Variants in RARB observed in about 807,000 individuals in gnomAD.
The protein encoded by RARB is HBV-activated protein.
RARB carries 17 observed loss-of-function variants against 51.9 expected under a neutral mutation model. The observed-to-expected ratio is 0.33, with a 90% CI of 0.22 to 0.49. The LOEUF (loss-of-function observed/expected upper bound fraction) is 0.49, where lower values mean the gene tolerates loss of function less well. RARB is among the 20% of genes least tolerant of loss of function. RARB has a pLI of 0.99. For synonymous variants in RARB, 215 were observed against 195.4 expected, an observed-to-expected ratio of 1.10 and a Z score of -0.84; for missense variants, 369 against 550.8, an observed-to-expected ratio of 0.67 and a Z score of 3.30.
chr3:24,906,844 CAAAAA>C (rs397875286), intron 2 of RARB, among the ~76,000 whole-genome samples: 4 of 75,992 alleles, frequency 5.3e-5, no homozygotes, highest in South Asian at 5.5e-4. Flanking sequence ...GATTCCGTCT[CAAAAA>C]AAAAAAAAAA....
chr3:25,557,137 T>TCACACACACACACACACACACACA (rs55731301), intron 3 of RARB, among the ~76,000 whole-genome samples: 1 of 145,348 alleles, frequency 6.9e-6, no homozygotes, highest in Non-Finnish European at 1.5e-5. Context: ...GGCATTGCAT[T>TCACACACACACACACACACACACA]CACACACACA....
chr3:25,235,659 A>G lies in RARB; in HGVS notation c.178+61084A>G, dbSNP rs74368113. Among the ~76,000 whole-genome samples, 847 of 152,254 alleles carry G rather than the reference A, an allele frequency of 5.6e-3. 36 individuals carry two copies. In the East Asian group the frequency reaches 0.11, roughly 20 times the overall value. ...GTTTCATGTGGTTAACTGCTTTTCTATTATCTATTACAGCTCTTGAGTGAG... is the reference window on the plus strand; with the variant it reads ...GTTTCATGTGGTTAACTGCTTTTCTGTTATCTATTACAGCTCTTGAGTGAG... On this transcript the variant is annotated intron_variant, in intron 5 of 11. Transcript: ENST00000383772.
chr3:25,176,247 G>C (rs1233643843), intron 5 of RARB, among the ~76,000 whole-genome samples: 12 of 151,236 alleles, frequency 7.9e-5, no homozygotes, highest in Admixed American at 7.2e-4. Flanking sequence ...GCAACTTTGG[G>C]CTTTGGGCTT....
chr3:25,506,521 A>G (rs1294625644), intron 3 of RARB, among the ~76,000 whole-genome samples: 1 of 151,652 alleles, frequency 6.6e-6, no homozygotes, highest in Non-Finnish European at 1.5e-5. Flanking sequence ...GAGGCTGAGG[A>G]AGGAGGATCA....
intron 5 of RARB, among the ~76,000 whole-genome samples, chr3:25,249,737 C>G (rs567338818): frequency 7.1e-5 from 9 of 126,282 alleles, no homozygotes; most frequent in Admixed American, 1.6e-4. Flanking sequence ...CTGTGATTTC[C>G]TTTCTTAGTT....
intron 2 of RARB, among the ~76,000 whole-genome samples, chr3:25,012,957 T>C (rs887408552): frequency 6.6e-6 from 1 of 152,080 alleles, no homozygotes; most frequent in African/African-American, 2.4e-5. Flanking sequence ...GCTGCTGGTA[T>C]TTAAGAATCT....
chr3:24,876,820 TTTA>T (rs1703053049), intron 2 of RARB, among the ~76,000 whole-genome samples: 1 of 152,072 alleles, frequency 6.6e-6, no homozygotes, highest in East Asian at 1.9e-4. Context: ...AAAAACAGAG[TTTA>T]GATAGTGGCA....
chr3:25,523,193 A>T (rs894861027), intron 3 of RARB, among the ~76,000 whole-genome samples: 3 of 152,118 alleles, frequency 2.0e-5, no homozygotes, highest in Non-Finnish European at 4.4e-5. Context: ...GCATATATGG[A>T]ATTGAGGGAT....
At chr3:25,374,144 T>G (rs1206390211) in intron 5 of RARB, among the ~76,000 whole-genome samples, 1 of 152,044 alleles carries the variant, frequency 6.6e-6, no homozygotes, top group African/African-American at 2.4e-5. Context: ...TGAGTGGACG[T>G]AGCTGGATGT....
intron 2 of RARB, among the ~76,000 whole-genome samples, chr3:24,932,857 G>A (rs1695470167): frequency 6.6e-6 from 1 of 151,790 alleles, no homozygotes; most frequent in African/African-American, 2.4e-5. Flanking sequence ...GCTAATCTCT[G>A]TTCTATTTTA....
At chr3:25,194,241 G>A (rs1575209571) in intron 5 of RARB, among the ~76,000 whole-genome samples, 1 of 16,806 alleles carries the variant, frequency 6.0e-5, no homozygotes, top group African/African-American at 2.0e-4. Flanking sequence ...GGTTACCAGG[G>A]TAGGAAGGAG....
chr3:25,373,971 A>G (rs1029538414), intron 5 of RARB, among the ~76,000 whole-genome samples: 1 of 152,214 alleles, frequency 6.6e-6, no homozygotes, highest in Non-Finnish European at 1.5e-5. Flanking sequence ...ATGTATTATA[A>G]AAAGCAAAAT....
At chr3:25,529,803 A>C (rs1191821965) in intron 3 of RARB, among the ~76,000 whole-genome samples, 3 of 152,212 alleles carry the variant, frequency 2.0e-5, no homozygotes, top group African/African-American at 7.2e-5. Flanking sequence ...GTTAAAGAAA[A>C]GTATATGGCG....
At chr3:24,872,741 C>T (rs532690410) in intron 2 of RARB, among the ~76,000 whole-genome samples, 29 of 152,170 alleles carry the variant, frequency 1.9e-4, no homozygotes, top group Non-Finnish European at 4.1e-4. Flanking sequence ...TACCACCAGG[C>T]CCCAACTCTA....
At chr3:24,986,688 G>T (rs1163883011) in intron 2 of RARB, among the ~76,000 whole-genome samples, 1 of 152,170 alleles carries the variant, frequency 6.6e-6, no homozygotes, top group Non-Finnish European at 1.5e-5. Flanking sequence ...ATTTCTGGGA[G>T]ATTGCAGCGT....
At chr3:25,304,756 A>G (rs1305079389) in intron 5 of RARB, among the ~76,000 whole-genome samples, 1 of 152,226 alleles carries the variant, frequency 6.6e-6, no homozygotes, top group Non-Finnish European at 1.5e-5. Context: ...CACAGTAGCT[A>G]TAGTGATCCT....
chr3:24,913,402 C>CTCTT (rs1559393874), intron 2 of RARB, among the ~76,000 whole-genome samples: 1 of 108,412 alleles, frequency 9.2e-6, no homozygotes, highest in Non-Finnish European at 2.2e-5. Context: ...CTCTCTCTCT[C>CTCTT]TTTTTTTTTT....
At chr3:24,866,665 C>G (rs953490663) in intron 2 of RARB, among the ~76,000 whole-genome samples, 1 of 152,154 alleles carries the variant, frequency 6.6e-6, no homozygotes, top group African/African-American at 2.4e-5. Flanking sequence ...GTGGGGTTTT[C>G]TTCCAAATGC....
At chr3:25,387,895 A>G (rs2125484840) in intron 5 of RARB, among the ~76,000 whole-genome samples, 1 of 152,272 alleles carries the variant, frequency 6.6e-6, no homozygotes, top group Admixed American at 6.5e-5. Flanking sequence ...AAGAGCATTA[A>G]ATGTTTAACC....
Sources: gnomAD v4.1 joint callset for allele counts (sites outside exome capture counted in the v4.1 genomes callset) on GRCh38, gnomAD v4.1.1 for gene constraint, MANE v1.5 for transcripts, NCBI Gene and HGNC (gene_info 2026-07-23, HGNC 2026-07-21) for gene names.